The following OTUB2 variants were observed in gnomAD, a reference collection of about 807,000 sequenced individuals.
OTUB2 encodes the protein OTU deubiquitinase, ubiquitin aldehyde binding 2.
Under a neutral mutation model 25.1 loss-of-function variants are expected in OTUB2, and 21 were observed. That is an observed-to-expected ratio of 0.84 (90% CI 0.59 to 1.21). The LOEUF is 1.21. OTUB2 is among the 50% of genes most tolerant of loss of function. The pLI, the probability that OTUB2 is intolerant of heterozygous loss-of-function variation, is 0.00. For synonymous variants in OTUB2, 122 were observed against 122.8 expected, an observed-to-expected ratio of 0.99 and a Z score of 0.04; for missense variants, 283 against 298.0, an observed-to-expected ratio of 0.95 and a Z score of 0.37.
chr14:94,036,595 C>T (rs1885058808), intron 1 of OTUB2, among the ~76,000 whole-genome samples: 1 of 152,170 alleles, frequency 6.6e-6, no homozygotes, highest in Non-Finnish European at 1.5e-5. Context: ...CAGTTTCCTT[C>T]ACCCTGAAGC....
chr14:94,026,742 A>T (rs956984807), intron 1 of OTUB2, among the ~76,000 whole-genome samples: 3 of 151,960 alleles, frequency 2.0e-5, no homozygotes, highest in African/African-American at 7.3e-5. Flanking sequence ...TACCCCGTGG[A>T]TGTGCAGCTG....
intron 3 of OTUB2, among the ~76,000 whole-genome samples, chr14:94,041,877 C>A (rs1444005107): frequency 6.6e-6 from 1 of 152,234 alleles, no homozygotes; most frequent in Admixed American, 6.5e-5. Flanking sequence ...TGAACAGTGG[C>A]CATAGCCCTG....
In OTUB2 at chr14:94,037,377, C is replaced by G; in HGVS notation, c.4-3C>G. The G allele has an allele frequency of 6.4e-7, 1 of 1,568,474 alleles. No individual in the cohort carries two copies. The highest frequency in any genetic ancestry group is 1.1e-5 in the South Asian group (1 of 89,444). ...CAGCATTTCTTCCTTCCCTATCTTTCAGAGTGAAACATCTTTCAACCTAAT... is the reference window on the plus strand; with the variant it reads ...CAGCATTTCTTCCTTCCCTATCTTTGAGAGTGAAACATCTTTCAACCTAAT... On this transcript the variant is annotated splice_region_variant and splice_polypyrimidine_tract_variant and intron_variant, in intron 1 of 5. Coordinates refer to ENST00000203664, the MANE Select transcript of OTUB2 (RefSeq NM_023112.4).
rs1885213047 is a variant in OTUB2 at position 94,043,996 on chromosome 14, C to T, written c.244C>T (p.Pro82Ser). 6.2e-7 allele frequency: 1 copy of T among 1,614,224 alleles called. No homozygotes were observed. The highest frequency in any genetic ancestry group is 8.5e-7 in the Non-Finnish European group (1 of 1,180,018). ...GTTCAAAGAACGCGTACTGCAGACC[C>T]CAAATGACCTTCTGGCTGCTGGCTT... is the stretch of plus-strand genomic sequence containing the variant. ...FKFKERVLQT[P>S]NDLLAAGFEE... Residue 82 changes from proline (P) to serine (S), a missense_variant, in exon 4 of 6, where the codon CCA (proline) becomes TCA (serine). By Grantham distance (74) the Pro-to-Ser change is moderately conservative. Coordinates refer to ENST00000203664, the MANE Select transcript of OTUB2 (RefSeq NM_023112.4).
At chr14:94,027,282 G>A (rs1387801130) in intron 1 of OTUB2, among the ~76,000 whole-genome samples, 5 of 152,228 alleles carry the variant, frequency 3.3e-5, no homozygotes, top group Non-Finnish European at 4.4e-5. Flanking sequence ...TTGAACCCAG[G>A]CTCTGGACTC....
At chr14:94,045,094 CAGAA>C (rs1412468906) in intron 5 of OTUB2, among the ~76,000 whole-genome samples, 2 of 152,178 alleles carry the variant, frequency 1.3e-5, no homozygotes, top group African/African-American at 4.8e-5. Context: ...TGGTATTTAC[CAGAA>C]AGAGTTGCCG....
intron 2 of OTUB2, among the ~76,000 whole-genome samples, chr14:94,038,241 G>A (rs538914906): frequency 6.6e-6 from 1 of 152,334 alleles, no homozygotes; most frequent in African/African-American, 2.4e-5. Context: ...TCCGAACGCC[G>A]CTGCGGGGCA....
intron 1 of OTUB2, among the ~76,000 whole-genome samples, chr14:94,027,920 G>A (rs914500790): frequency 1.3e-5 from 2 of 152,236 alleles, no homozygotes; most frequent in Non-Finnish European, 2.9e-5. Context: ...AGGTGTTTCT[G>A]CATCACCCAC....
chr14:94,038,675 G>A (rs528539896), intron 2 of OTUB2, among the ~76,000 whole-genome samples: 17 of 151,936 alleles, frequency 1.1e-4, no homozygotes, highest in African/African-American at 2.4e-4. Flanking sequence ...CCAGTGCCCC[G>A]TGGCACCCAG....
chr14:94,026,796 GC>G (rs933672150), intron 1 of OTUB2, among the ~76,000 whole-genome samples: 1 of 152,186 alleles, frequency 6.6e-6, no homozygotes, highest in African/African-American at 2.4e-5. Context: ...CAGCGTGTCC[GC>G]CCCAGGTGGC....
chr14:94,035,709 G>A (rs941866761), intron 1 of OTUB2, among the ~76,000 whole-genome samples: 2 of 152,200 alleles, frequency 1.3e-5, no homozygotes, highest in African/African-American at 4.8e-5. Flanking sequence ...GGGCGAAACA[G>A]AATAAAGTGT....
chr14:94,041,896 A>G (rs4905146), intron 3 of OTUB2, among the ~76,000 whole-genome samples: 47,369 of 151,940 alleles, frequency 0.31, 7,617 homozygotes, highest in Admixed American at 0.39. Context: ...TGTCACGGAC[A>G]TTAAGTGATT....
intron 1 of OTUB2, among the ~76,000 whole-genome samples, chr14:94,034,289 C>G (rs1439501435): frequency 1.3e-5 from 2 of 152,186 alleles, no homozygotes; most frequent in Admixed American, 6.5e-5. Flanking sequence ...CACTGAGCCC[C>G]CAGGATCAGG....
At chr14:94,037,313 C>A in intron 1 of OTUB2, 67 bp from the exon 2 acceptor site, 1 of 1,165,224 alleles carries the variant, frequency 8.6e-7, no homozygotes, top group Non-Finnish European at 1.3e-6. Context: ...CAGAGGCCAC[C>A]AGCTCGGGGA....
At chr14:94,030,965 G>T (rs1213887103) in intron 1 of OTUB2, among the ~76,000 whole-genome samples, 1 of 152,198 alleles carries the variant, frequency 6.6e-6, no homozygotes, top group African/African-American at 2.4e-5. Context: ...TCGGACTTGT[G>T]GCCTCCAGCA....
chr14:94,039,556 C>T (rs1232573273), intron 3 of OTUB2: 1 of 160,302 alleles, frequency 6.2e-6, no homozygotes, highest in Non-Finnish European at 1.4e-5. Context: ...TCGGCTAGTT[C>T]AGGGCTTCTC....
chr14:94,046,274 G>A lies in OTUB2; in HGVS notation c.*352G>A. Reference sequence around the variant, plus strand: ...CCATTGTAGAAAAATGGGGCCTCTGGTGTCTCTTTACCAGGGGCAGTGCCT... The same window carrying A: ...CCATTGTAGAAAAATGGGGCCTCTGATGTCTCTTTACCAGGGGCAGTGCCT... On this transcript the variant is annotated 3_prime_UTR_variant, in exon 6 of 6. Coordinates refer to ENST00000203664, the MANE Select transcript of OTUB2 (RefSeq NM_023112.4). 2.7e-6 allele frequency: 1 copy of A among 366,476 alleles called. No homozygotes were observed. The highest frequency in any genetic ancestry group is 3.1e-5 in the South Asian group (1 of 32,226). The allele number at this position is 366,476 out of a possible 1,614,324, so 22.7% of individuals were successfully genotyped here.
chr14:94,028,830 G>A (rs999846572), intron 1 of OTUB2, among the ~76,000 whole-genome samples: 1 of 152,220 alleles, frequency 6.6e-6, no homozygotes, highest in East Asian at 1.9e-4. Flanking sequence ...TGAGGGAGTG[G>A]GGGTGTTGGA....
rs1438716664 is a variant in OTUB2 at position 94,039,016 on chromosome 14, C to T, written c.153C>T (p.Cys51=). ...AIRKTKGDGN[C]FYRALGYSYL... Reference sequence around the variant, plus strand: ...GCAAGACCAAAGGGGATGGGAACTGCTTCTACAGGGCCTTGGGCTATTCCT... The same window carrying T: ...GCAAGACCAAAGGGGATGGGAACTGTTTCTACAGGGCCTTGGGCTATTCCT... Residue 51 remains cysteine, a synonymous_variant, in exon 3 of 6, where the codon TGC becomes TGT. Transcript: ENST00000203664. 7 of 1,614,246 alleles carry T rather than the reference C, an allele frequency of 4.3e-6. No individual in the cohort carries two copies. The South Asian group carries it at 4.4e-5, about 10-fold the overall frequency.
Sources: allele counts gnomAD v4.1 joint callset (sites outside exome capture counted in the v4.1 genomes callset), GRCh38; gene constraint gnomAD v4.1.1; transcripts MANE v1.5; gene names NCBI Gene and HGNC (gene_info 2026-07-23, HGNC 2026-07-21).